Variants in ASTN2 observed in about 807,000 individuals in gnomAD.
ASTN2 encodes astrotactin-2.
In ASTN2, 54 loss-of-function variants were observed where a neutral mutation model predicts 139.8. That is an observed-to-expected ratio of 0.39 (90% CI 0.31 to 0.48). The LOEUF is 0.48. ASTN2 is among the 20% of genes least tolerant of loss of function. The pLI is 0.95. For synonymous variants in ASTN2, 756 were observed against 719.5 expected (o/e 1.05, Z -0.81); for missense variants, 1,565 against 1,725.1 (o/e 0.91, Z 1.64).
intron 1 of ASTN2, among the ~76,000 whole-genome samples, chr9:117,334,808 C>T (rs907573783): frequency 1.3e-5 from 2 of 152,202 alleles, no homozygotes; most frequent in Non-Finnish European, 2.9e-5. Flanking sequence ...AATCCTAGCA[C>T]TTTGGGAGGC....
At chr9:117,365,293 G>A (rs921702032) in intron 1 of ASTN2, among the ~76,000 whole-genome samples, 2 of 142,136 alleles carry the variant, frequency 1.4e-5, no homozygotes, top group East Asian at 2.0e-4. Flanking sequence ...GAAAGAAATA[G>A]AAAGAAAAAG....
intron 22 of ASTN2, among the ~76,000 whole-genome samples, chr9:116,432,791 G>A (rs1847538886): frequency 6.6e-6 from 1 of 152,130 alleles, no homozygotes; most frequent in South Asian, 2.1e-4. Flanking sequence ...TTGGCCAGGT[G>A]TGGTGGCAGG....
chr9:117,132,929 C>T (rs1202475741), intron 4 of ASTN2, among the ~76,000 whole-genome samples: 1 of 152,244 alleles, frequency 6.6e-6, no homozygotes, highest in South Asian at 2.1e-4. Context: ...TCACGACAGT[C>T]CTGGACAAAA....
At chr9:116,720,099 G>A (rs770264880) in intron 16 of ASTN2, among the ~76,000 whole-genome samples, 14 of 152,078 alleles carry the variant, frequency 9.2e-5, no homozygotes, top group Non-Finnish European at 1.3e-4. Flanking sequence ...AAGAAAAGGC[G>A]ACAGTTGAAT....
chr9:116,729,024 C>T lies in ASTN2; in HGVS notation c.2594G>A (p.Arg865His), dbSNP rs3818503. The T allele has an allele frequency of 1.3e-3, 2,018 of 1,584,460 alleles. 40 individuals carry two copies. In the East Asian group the frequency reaches 0.037, roughly 29 times the overall value. Residue 865 changes from arginine to histidine, a missense_variant, in exon 15 of 23, where the codon CGT (arginine) becomes CAT (histidine). Physicochemically the swap from Arg to His is conservative, Grantham distance 29. Around this residue, in one of 4 missense-constraint regions of ASTN2, gnomAD observed 503 missense variants for 591.7 expected, o/e 0.85. Transcript: ENST00000313400. ...GAGGGTGATGGTGCTGAGCTTCACACGGTAGAGGTTGCTCCGGACCCGCCA... is the reference window on the plus strand; with the variant it reads ...GAGGGTGATGGTGCTGAGCTTCACATGGTAGAGGTTGCTCCGGACCCGCCA... ...QQWRVRSNLY[R>H]VKLSTITLAA...
intron 3 of ASTN2, among the ~76,000 whole-genome samples, chr9:117,171,623 TAGTG>T (rs1278485597): frequency 6.6e-6 from 1 of 152,020 alleles, no homozygotes; most frequent in Non-Finnish European, 1.5e-5. Flanking sequence ...GTTCTCGTGA[TAGTG>T]AGTGAGATCT....
chr9:117,019,761 G>C (rs1257985148), intron 6 of ASTN2, among the ~76,000 whole-genome samples: 1 of 152,042 alleles, frequency 6.6e-6, no homozygotes, highest in Non-Finnish European at 1.5e-5. Context: ...AGCCAGAGAA[G>C]ACTGGTTGGA....
chr9:117,173,664 A>G (rs1830846533), intron 3 of ASTN2, among the ~76,000 whole-genome samples: 1 of 152,112 alleles, frequency 6.6e-6, no homozygotes, highest in South Asian at 2.1e-4. Context: ...ATAGAATTAA[A>G]CAACATGCAC....
intron 2 of ASTN2, among the ~76,000 whole-genome samples, chr9:117,262,325 G>T (rs897202528): frequency 6.6e-6 from 1 of 151,936 alleles, no homozygotes; most frequent in African/African-American, 2.4e-5. Flanking sequence ...AACACTTTGT[G>T]GTTATTAATT....
intron 11 of ASTN2, among the ~76,000 whole-genome samples, chr9:116,843,991 T>C (rs1332713455): frequency 6.6e-6 from 1 of 152,168 alleles, no homozygotes; most frequent in Non-Finnish European, 1.5e-5. Flanking sequence ...TGTGGTTATG[T>C]TCCTGAGTTC....
intron 10 of ASTN2, among the ~76,000 whole-genome samples, chr9:116,898,822 C>T (rs962459988): frequency 6.6e-6 from 1 of 152,112 alleles, no homozygotes; most frequent in African/African-American, 2.4e-5. Flanking sequence ...GCATGTGCCA[C>T]CACACTTGCC....
intron 10 of ASTN2, among the ~76,000 whole-genome samples, chr9:116,899,436 T>C (rs990290740): frequency 1.3e-5 from 2 of 152,226 alleles, no homozygotes; most frequent in Non-Finnish European, 2.9e-5. Flanking sequence ...TTCTCCATGT[T>C]GCCTTCATGA....
Position 117,082,639 on chromosome 9 carries a change from T to A in ASTN2, c.1276+13405A>T, listed in dbSNP as rs1165511148. ...CAACATGGTGAAACCCCATCCCTACTAAAAACACAAAAAATTAGCTGGGCA... is the reference window on the plus strand; with the variant it reads ...CAACATGGTGAAACCCCATCCCTACAAAAAACACAAAAAATTAGCTGGGCA... On this transcript the variant is annotated intron_variant, in intron 5 of 22. Transcript: ENST00000313400. 2.6e-5 allele frequency among the ~76,000 whole-genome samples: 4 copies of A among 152,158 alleles called. No homozygotes were observed. The South Asian group carries it at 6.2e-4, about 24-fold the overall frequency.
chr9:117,094,031 C>T (rs887233875), intron 5 of ASTN2, among the ~76,000 whole-genome samples: 2 of 150,948 alleles, frequency 1.3e-5, no homozygotes, highest in Non-Finnish European at 2.9e-5. Flanking sequence ...TTTGTGTCCC[C>T]ACTGCCTAGA....
At chr9:116,776,755 G>A (rs1830096375) in intron 13 of ASTN2, among the ~76,000 whole-genome samples, 2 of 152,246 alleles carry the variant, frequency 1.3e-5, no homozygotes, top group African/African-American at 2.4e-5. Flanking sequence ...GGTCCTTCTA[G>A]GAAGCTAATG....
intron 6 of ASTN2, among the ~76,000 whole-genome samples, chr9:117,022,442 CAAAAAAAAAAAACAA>C (rs1837909539): frequency 1.3e-5 from 1 of 75,424 alleles, no homozygotes; most frequent in Non-Finnish European, 3.2e-5. Context: ...TATCCCAGGG[CAAAAAAAAAAAACAA>C]AAAAACAAAA....
chr9:116,545,902 T>C (rs1244134677), intron 19 of ASTN2: 1 of 152,166 alleles, frequency 6.6e-6, no homozygotes, highest in Non-Finnish European at 1.5e-5. Flanking sequence ...GTGCTAACAA[T>C]GTGAGAACTG....
At chr9:116,654,376 C>CTAG (rs1858092311) in intron 16 of ASTN2, among the ~76,000 whole-genome samples, 1 of 152,130 alleles carries the variant, frequency 6.6e-6, no homozygotes, top group Admixed American at 6.6e-5. Context: ...TGCTCTTGAC[C>CTAG]TAGTTTACAG....
chr9:117,173,403 T>TA (rs372654039), intron 3 of ASTN2, among the ~76,000 whole-genome samples: 278 of 152,262 alleles, frequency 1.8e-3, no homozygotes, highest in African/African-American at 6.3e-3. Context: ...ATCTAATGGT[T>TA]ACACATGAAA....
Sources: allele counts gnomAD v4.1 joint callset (sites outside exome capture counted in the v4.1 genomes callset), GRCh38; gene constraint gnomAD v4.1.1; regional missense constraint gnomAD v4.1.1; transcripts MANE v1.5; gene names NCBI Gene and HGNC (gene_info 2026-07-23, HGNC 2026-07-21).